Variants in FRMPD4 observed in about 807,000 individuals in gnomAD.
FRMPD4 encodes the protein FERM and PDZ domain containing 4, also known as FERM and PDZ domain-containing protein 4.
A neutral mutation model predicts 94.1 loss-of-function variants in FRMPD4; 22 were observed. That is an observed-to-expected ratio of 0.23 (90% CI 0.17 to 0.33). The LOEUF is 0.33. FRMPD4 is among the 10% of genes least tolerant of loss of function. The pLI is 1.00. For missense variants in FRMPD4, 1,111 were observed against 1,339.9 expected (o/e 0.83, Z 2.67); for synonymous variants, 631 against 548.6 (o/e 1.15, Z -2.10).
chrX:12,579,808 C>T (rs977953003), intron 2 of FRMPD4, among the ~76,000 whole-genome samples: 7 of 110,940 alleles, frequency 6.3e-5, no homozygotes, highest in Non-Finnish European at 9.4e-5. Flanking sequence ...AAAAGAAAAC[C>T]GAAAAGACTT....
intron 1 of FRMPD4, among the ~76,000 whole-genome samples, chrX:12,451,699 A>G (rs943617435): frequency 1.9e-5 from 2 of 105,029 alleles, no homozygotes; most frequent in Admixed American, 2.1e-4. Context: ...ACAGCTTCCC[A>G]CTATTGATAC....
chrX:12,510,770 C>T (rs997364630), intron 2 of FRMPD4, among the ~76,000 whole-genome samples: 7 of 112,434 alleles, frequency 6.2e-5, no homozygotes, highest in African/African-American at 2.3e-4. Context: ...CCTTGGGAAT[C>T]CTCTTTTAGG....
At chrX:12,478,374 G>C (rs57207758) in intron 1 of FRMPD4, among the ~76,000 whole-genome samples, 1,293 of 111,595 alleles carry the variant, frequency 0.012, 23 homozygotes, top group African/African-American at 0.039. Flanking sequence ...AGGAGTCCAA[G>C]ACCAGCCTGG....
chrX:12,130,136 A>AGAGAGAGAGAGAGAGAG (rs2055538687), intron 3 of FRMPD4, among the ~76,000 whole-genome samples: 2 of 83,891 alleles, frequency 2.4e-5, no homozygotes, highest in Non-Finnish European at 4.6e-5. Flanking sequence ...GAGAGAGAGA[A>AGAGAGAGAGAGAGAGAG]GGTGGAGGCG....
At chrX:12,223,552 C>A (rs1047452010) in intron 1 of FRMPD4, among the ~76,000 whole-genome samples, 1 of 111,644 alleles carries the variant, frequency 9.0e-6, no homozygotes, top group Non-Finnish European at 1.9e-5. Flanking sequence ...CTGCAACACA[C>A]AATTTACCCA....
intron 2 of FRMPD4, among the ~76,000 whole-genome samples, chrX:12,514,176 G>C (rs772826017): frequency 9.0e-6 from 1 of 111,531 alleles, no homozygotes; most frequent in Non-Finnish European, 1.9e-5. Context: ...GAGACAGTTT[G>C]ACTTCCTCTC....
chrX:12,481,974 A>AAAAAAAAAAAAAAAAAAAAAAG (rs2057692112), intron 1 of FRMPD4, among the ~76,000 whole-genome samples: 1 of 102,363 alleles, frequency 9.8e-6, no homozygotes, highest in African/African-American at 3.5e-5. Context: ...AAAAAAAAGA[A>AAAAAAAAAAAAAAAAAAAAAAG]AGTGTTATTG....
intron 1 of FRMPD4, among the ~76,000 whole-genome samples, chrX:12,309,421 T>A (rs2054996446): frequency 8.9e-6 from 1 of 112,713 alleles, no homozygotes; most frequent in African/African-American, 3.2e-5. Flanking sequence ...GGCACCAAAT[T>A]ACTTAAAAAT....
intron 2 of FRMPD4, among the ~76,000 whole-genome samples, chrX:12,588,576 G>A (rs2058954102): frequency 8.9e-6 from 1 of 112,339 alleles, no homozygotes; most frequent in Admixed American, 9.4e-5. Context: ...ATAGGTTTGA[G>A]CATAGCGACA....
At chrX:12,136,326 CAAAA>C (rs57110936), upstream of FRMPD4, among the ~76,000 whole-genome samples, 1 of 84,163 alleles carries the variant, frequency 1.2e-5, no homozygotes. Flanking sequence ...AGATTCAGAC[CAAAA>C]AAAAAAAAAA....
chrX:12,160,684 T>A (rs751912817), intron 1 of FRMPD4, among the ~76,000 whole-genome samples: 1 of 111,965 alleles, frequency 8.9e-6, no homozygotes, highest in African/African-American at 3.2e-5. Context: ...TATAATTATC[T>A]TCTTTCAGAG....
At chrX:12,494,160 A>G (rs1296730552) in intron 1 of FRMPD4, among the ~76,000 whole-genome samples, 1 of 112,332 alleles carries the variant, frequency 8.9e-6, no homozygotes, top group African/African-American at 3.2e-5. Context: ...AGAATTGTGC[A>G]TTAATTACAT....
At chrX:12,679,859 T>G (rs1172259715) in intron 5 of FRMPD4, among the ~76,000 whole-genome samples, 1 of 111,404 alleles carries the variant, frequency 9.0e-6, no homozygotes, top group African/African-American at 3.3e-5. Flanking sequence ...TCTCCCTTCC[T>G]GCCTGCCTTC....
intron 5 of FRMPD4, among the ~76,000 whole-genome samples, chrX:12,675,503 A>G (rs1281917283): frequency 1.8e-5 from 2 of 109,984 alleles, no homozygotes; most frequent in South Asian, 7.8e-4. Context: ...GTACAGTTCT[A>G]TGGTCTTCAT....
intron 1 of FRMPD4, among the ~76,000 whole-genome samples, chrX:12,169,096 G>A (rs2056177018): frequency 8.9e-6 from 1 of 111,995 alleles, no homozygotes. Context: ...TGTTAGGAGA[G>A]AATAATAAAT....
In FRMPD4 at chrX:12,213,367, A is replaced by G. The variant is rs564095425; in HGVS notation, c.41+74355A>G. Among the ~76,000 whole-genome samples, 5 of 112,609 alleles carry G rather than the reference A, an allele frequency of 4.4e-5. No homozygotes were observed. In the South Asian group the frequency reaches 1.8e-3, roughly 41 times the overall value. ...GTGACACTTCTTACTGGCCTTAAAA[A>G]TAAAATTATACAATATAAATGTTTT... On this transcript the variant is annotated intron_variant, in intron 1 of 16. Coordinates refer to ENST00000675598, the MANE Select transcript of FRMPD4 (RefSeq NM_001368397.1).
At chrX:12,536,046 C>A (rs1408795257) in intron 2 of FRMPD4, among the ~76,000 whole-genome samples, 1 of 91,256 alleles carries the variant, frequency 1.1e-5, no homozygotes, top group Non-Finnish European at 2.1e-5. Flanking sequence ...TAGAGAGGAG[C>A]CTAACAGAAA....
intron 2 of FRMPD4, among the ~76,000 whole-genome samples, chrX:12,560,199 T>C (rs780971480): frequency 3.6e-5 from 4 of 111,591 alleles, no homozygotes; most frequent in Admixed American, 1.9e-4. Flanking sequence ...CAAACCTGTA[T>C]TCAAATACTT....
At chrX:12,046,708 G>A (rs1455537516) in intron 3 of FRMPD4, among the ~76,000 whole-genome samples, 2 of 112,066 alleles carry the variant, frequency 1.8e-5, no homozygotes, top group Admixed American at 9.5e-5. Context: ...AAGGGGCATG[G>A]GAATGTCCAC....
Sources: gnomAD v4.1 joint callset for allele counts (sites outside exome capture counted in the v4.1 genomes callset) on GRCh38, gnomAD v4.1.1 for gene constraint, MANE v1.5 for transcripts, NCBI Gene and HGNC (gene_info 2026-07-23, HGNC 2026-07-21) for gene names.